Variants in SEL1L2 observed in about 807,000 individuals in gnomAD.
SEL1L2 encodes the protein SEL1L2 adaptor subunit of SYVN1 ubiquitin ligase.
A neutral mutation model predicts 98.8 loss-of-function variants in SEL1L2; 89 were observed. That is an observed-to-expected ratio of 0.90 (90% CI 0.76 to 1.07). SEL1L2 has a LOEUF of 1.07. SEL1L2 is among the 50% of genes least tolerant of loss of function. SEL1L2 has a pLI of 0.00. For synonymous variants in SEL1L2, 262 were observed against 278.5 expected, an observed-to-expected ratio of 0.94 and a Z score of 0.59; for missense variants, 788 against 812.0, an observed-to-expected ratio of 0.97 and a Z score of 0.36.
At chr20:13,990,003 A>G (rs1360276929) in intron 1 of SEL1L2, among the ~76,000 whole-genome samples, 1 of 152,172 alleles carries the variant, frequency 6.6e-6, no homozygotes, top group Non-Finnish European at 1.5e-5. Context: ...AATAACTTCC[A>G]TTTTCAGATA....
rs1486497970 is a variant in SEL1L2, at chr20:13,859,180, C to A, written c.1818+82G>T. The A allele has an allele frequency of 6.1e-6, 8 of 1,314,368 alleles. No individual in the cohort carries two copies. In the Admixed American group the frequency reaches 1.2e-4, roughly 21 times the overall value. The allele number at this position is 1,314,368 out of a possible 1,614,324, so 81.4% of individuals were successfully genotyped here. A position where few individuals can be genotyped will look rare whatever the true frequency, so the allele number is the denominator to read the frequency against. ...CTTCCTTCCTCTACATTGATGACAT[C>A]AATGAAATTCAAAACATTTACACAT... On this transcript the variant is annotated intron_variant, in intron 18 of 19. Transcript: ENST00000284951.
At chr20:13,866,006 C>A (rs570511663) in intron 15 of SEL1L2, among the ~76,000 whole-genome samples, 1 of 152,040 alleles carries the variant, frequency 6.6e-6, no homozygotes, top group Non-Finnish European at 1.5e-5. Flanking sequence ...CCTAGGGGGA[C>A]AAATGTCAAC....
In SEL1L2 at chr20:13,990,491, C is replaced by A. The variant is rs2148594866; in HGVS notation, c.44G>T (p.Gly15Val). 1 of 1,612,066 alleles carries A rather than the reference C, an allele frequency of 6.2e-7. No individual in the cohort carries two copies. The highest frequency in any genetic ancestry group is 1.7e-5 in the Admixed American group (1 of 59,878). ...SLLIEILIIL[G>V]VTIKTIKAEE... Reference sequence around the variant, plus strand: ...AAAAAACTTACTTTTAATTGTGACCCCAAGAATTATCAATATCTCTATTAA... The same window carrying A: ...AAAAAACTTACTTTTAATTGTGACCACAAGAATTATCAATATCTCTATTAA... Residue 15 changes from glycine to valine, a missense_variant, in exon 1 of 20, where the codon GGG becomes GTG. Physicochemically the swap from Gly to Val is moderately radical, Grantham distance 109. Transcript: ENST00000284951.
chr20:13,955,089 TCTG>T (rs2050464634), intron 2 of SEL1L2, among the ~76,000 whole-genome samples: 1 of 152,210 alleles, frequency 6.6e-6, no homozygotes, highest in Non-Finnish European at 1.5e-5. Flanking sequence ...TTATTGAGTG[TCTG>T]CTATGTACCA....
chr20:13,950,107 G>A (rs1322661443), intron 2 of SEL1L2, among the ~76,000 whole-genome samples: 14 of 152,114 alleles, frequency 9.2e-5, no homozygotes, highest in African/African-American at 3.4e-4. Context: ...CTTAGATGAG[G>A]TACCTAAAGT....
intron 1 of SEL1L2, among the ~76,000 whole-genome samples, chr20:13,983,797 A>T (rs1234115717): frequency 6.6e-6 from 1 of 151,996 alleles, no homozygotes; most frequent in Admixed American, 6.6e-5. Flanking sequence ...CTGGGATTGT[A>T]GGTATGAACC....
At chr20:13,953,546 T>C (rs571766692) in intron 2 of SEL1L2, among the ~76,000 whole-genome samples, 33 of 152,322 alleles carry the variant, frequency 2.2e-4, no homozygotes, top group African/African-American at 7.7e-4. Flanking sequence ...AAAGGGTCCC[T>C]GGAGAAACTC....
chr20:13,880,896 TA>T (rs1393683674), intron 10 of SEL1L2, among the ~76,000 whole-genome samples: 1 of 151,842 alleles, frequency 6.6e-6, no homozygotes, highest in Admixed American at 6.6e-5. Flanking sequence ...TCTCTCTTTT[TA>T]AAAAATGATC....
intron 5 of SEL1L2, among the ~76,000 whole-genome samples, chr20:13,894,291 GGCTCATGCCTGTAATCTCA>G (rs1471708859): frequency 3.3e-5 from 5 of 152,192 alleles, no homozygotes; most frequent in African/African-American, 1.2e-4. Context: ...CAGGTGCAGT[GGCTCATGCCTGTAATCTCA>G]GCACTTTGGG....
At chr20:13,905,781 C>T (rs2047899794) in intron 5 of SEL1L2, among the ~76,000 whole-genome samples, 2 of 151,118 alleles carry the variant, frequency 1.3e-5, no homozygotes, top group African/African-American at 4.9e-5. Context: ...AGAGAAGCTA[C>T]ATAATAGTGA....
intron 1 of SEL1L2, among the ~76,000 whole-genome samples, chr20:13,978,849 C>T (rs376576331): frequency 7.9e-5 from 12 of 151,964 alleles, no homozygotes; most frequent in East Asian, 3.9e-4. Context: ...ACTTGAGGTC[C>T]GGAGTTTGAG....
chr20:13,859,253 C>G lies in SEL1L2; in HGVS notation c.1818+9G>C, dbSNP rs1167014262. 3.7e-6 allele frequency: 6 copies of G among 1,613,144 alleles called. No homozygotes were observed. The highest frequency in any genetic ancestry group is 4.5e-5 in the East Asian group (2 of 44,866). ...ATTACTAGGTTTGAATTATTACCAG[C>G]AAAATTACCTTTGTGATGCCTAAGC... On this transcript the variant is annotated intron_variant, in intron 18 of 19. Coordinates refer to ENST00000284951, the MANE Select transcript of SEL1L2 (RefSeq NM_025229.2).
chr20:13,908,856 A>G (rs749980550), intron 5 of SEL1L2, among the ~76,000 whole-genome samples: 6 of 152,172 alleles, frequency 3.9e-5, no homozygotes, highest in Non-Finnish European at 7.3e-5. Flanking sequence ...AAAAGAAGTA[A>G]TTATGCCTCC....
intron 5 of SEL1L2, among the ~76,000 whole-genome samples, chr20:13,902,328 C>A (rs2047719110): frequency 6.6e-6 from 1 of 152,158 alleles, no homozygotes; most frequent in Admixed American, 6.5e-5. Flanking sequence ...AGAAAAATGT[C>A]ACCCATACTC....
Position 13,865,401 on chromosome 20 carries a change from T to G in SEL1L2, c.1518A>C (p.Ala506=). Residue 506 remains alanine, a synonymous_variant, in exon 16 of 20, where the codon GCA becomes GCC. Coordinates refer to ENST00000284951, the MANE Select transcript of SEL1L2 (RefSeq NM_025229.2). The part of the protein sequence containing the change: ...DSSLVQYALL[A]EMGYEVAQSN... ...TTTGAGCTACTTCATACCCCATTTC[T>G]GCAAGCAGTGCATACTGAACAAGAG... The G allele has an allele frequency of 6.2e-7, 1 of 1,614,170 alleles. No individual in the cohort carries two copies. Among genetic ancestry groups the G allele is most frequent in the Middle Eastern group, 1.6e-4 (1 of 6,062 alleles).
chr20:13,985,963 A>G (rs1413978148), intron 1 of SEL1L2, among the ~76,000 whole-genome samples: 1 of 152,168 alleles, frequency 6.6e-6, no homozygotes, highest in Non-Finnish European at 1.5e-5. Context: ...GGTTATCCAT[A>G]TCATACTTCG....
intron 17 of SEL1L2, 71 bp downstream of exon 17, chr20:13,865,096 G>T (rs2147810185): frequency 8.1e-7 from 1 of 1,234,240 alleles, no homozygotes; most frequent in Non-Finnish European, 1.2e-6. Flanking sequence ...CAAACACGCA[G>T]CTACAGCAAA....
intron 17 of SEL1L2, among the ~76,000 whole-genome samples, chr20:13,864,718 T>A (rs1488795827): frequency 3.3e-5 from 5 of 152,130 alleles, no homozygotes; most frequent in African/African-American, 1.2e-4. Flanking sequence ...TTTATGGTAG[T>A]CATCAATGTG....
chr20:13,982,544 GT>G (rs1214851820), intron 1 of SEL1L2, among the ~76,000 whole-genome samples: 1 of 141,032 alleles, frequency 7.1e-6, no homozygotes, highest in Non-Finnish European at 1.5e-5. Context: ...TTCCGAGACA[GT>G]AGCAAGTTCT....
Sources: allele counts gnomAD v4.1 joint callset (sites outside exome capture counted in the v4.1 genomes callset), GRCh38; gene constraint gnomAD v4.1.1; transcripts MANE v1.5; gene names NCBI Gene and HGNC (gene_info 2026-07-23, HGNC 2026-07-21).